KIRREL3: variants seen among roughly 807,000 people sequenced by gnomAD.
The protein encoded by KIRREL3 is kin of IRRE-like protein 3.
A neutral mutation model predicts 89.7 loss-of-function variants in KIRREL3; 36 were observed. The observed-to-expected ratio is 0.40, with a 90% CI of 0.31 to 0.53. The LOEUF is 0.53. KIRREL3 is among the 20% of genes least tolerant of loss of function. The probability of loss-of-function intolerance (pLI) is 0.49; values close to 1 mark genes in which losing one functional copy is unlikely to be tolerated. For missense variants in KIRREL3, 864 were observed against 1,056.6 expected, an observed-to-expected ratio of 0.82 and a Z score of 2.53; for synonymous variants, 445 against 441.4, an observed-to-expected ratio of 1.01 and a Z score of -0.10.
At chr11:126,572,576 C>A (rs941953207) in intron 1 of KIRREL3, among the ~76,000 whole-genome samples, 2 of 140,260 alleles carry the variant, frequency 1.4e-5, no homozygotes, top group South Asian at 2.2e-4. Context: ...GAGGGGACCC[C>A]CCCCCCGCCA....
intron 1 of KIRREL3, among the ~76,000 whole-genome samples, chr11:126,675,178 G>A (rs1351790703): frequency 6.6e-6 from 1 of 152,188 alleles, no homozygotes; most frequent in Non-Finnish European, 1.5e-5. Flanking sequence ...TCCTGGCATT[G>A]GAGCCTTTAC....
rs1404994248 is a variant in KIRREL3 at position 126,640,567 on chromosome 11, C to T, written c.56-77655G>A. Among the ~76,000 whole-genome samples the T allele has an allele frequency of 6.6e-6, 1 of 151,972 alleles. No homozygotes were observed. Among genetic ancestry groups the T allele is most frequent in the Non-Finnish European group, 1.5e-5 (1 of 68,002 alleles). On this transcript the variant is annotated intron_variant, in intron 1 of 16. Transcript: ENST00000525144. The surrounding 1 kb of genome is among the most constrained non-coding windows in gnomAD (Gnocchi z 4.9). ...GGCTGCTTGTACCTGAAATGTGTGGCGAAGAGGGTCCAGCAGTCAGATTAA... is the reference window on the plus strand; with the variant it reads ...GGCTGCTTGTACCTGAAATGTGTGGTGAAGAGGGTCCAGCAGTCAGATTAA...
chr11:126,442,186 G>GGT (rs1955591843), intron 10 of KIRREL3, among the ~76,000 whole-genome samples: 1 of 149,656 alleles, frequency 6.7e-6, no homozygotes, highest in Non-Finnish European at 1.5e-5. Context: ...GCTTGAACCT[G>GGT]GGAGGTGGAG....
chr11:126,819,979 G>A (rs1943150518), intron 1 of KIRREL3, among the ~76,000 whole-genome samples: 1 of 152,174 alleles, frequency 6.6e-6, no homozygotes, highest in Admixed American at 6.5e-5. Flanking sequence ...TTAATGAACA[G>A]CTCATTAAGA....
chr11:126,490,597 A>G lies in KIRREL3; in HGVS notation c.434-17131T>C, dbSNP rs574040500. 1.3e-5 allele frequency among the ~76,000 whole-genome samples: 2 copies of G among 152,262 alleles called. No individual in the cohort carries two copies. Among genetic ancestry groups the G allele is most frequent in the Admixed American group, 1.3e-4 (2 of 15,296 alleles). On this transcript the variant is annotated intron_variant, in intron 4 of 16. Coordinates refer to ENST00000525144, the MANE Select transcript of KIRREL3 (RefSeq NM_032531.4). This position sits in a 1 kb window ranked among gnomAD's most constrained non-coding sequence, Gnocchi z 4.2. ...CCGGTTCCAGGCTGCATGGCCTTGG[A>G]TACGTTAATTAGTTATTTGAGCCTG...
chr11:127,003,285 G>A (rs1234315797), upstream of KIRREL3: 1 of 152,294 alleles, frequency 6.6e-6, no homozygotes, highest in African/African-American at 2.4e-5. Context: ...TCGGGCTCTG[G>A]CGCCAGCCTC....
intron 1 of KIRREL3, among the ~76,000 whole-genome samples, chr11:126,749,329 A>G (rs941367882): frequency 6.6e-6 from 1 of 152,176 alleles, no homozygotes; most frequent in African/African-American, 2.4e-5. Context: ...AATCCCTAGA[A>G]CATTTGTTGG....
intron 1 of KIRREL3, among the ~76,000 whole-genome samples, chr11:126,974,331 G>T (rs1031108764): frequency 6.6e-6 from 1 of 152,098 alleles, no homozygotes; most frequent in African/African-American, 2.4e-5. Flanking sequence ...ACGGAGATAC[G>T]TTCTGAGAAA....
Position 126,666,627 on chromosome 11 carries a change from G to C in KIRREL3, c.56-103715C>G, listed in dbSNP as rs982224459. ...CAATGATTTGTGCTGCCTGCTTGTC[G>C]AGTCTGTTTACCAACTTGGCTTATT... On this transcript the variant is annotated intron_variant, in intron 1 of 16. Coordinates refer to ENST00000525144, the MANE Select transcript of KIRREL3 (RefSeq NM_032531.4). This position sits in a 1 kb window ranked among gnomAD's most constrained non-coding sequence, Gnocchi z 4.2. Among the ~76,000 whole-genome samples, 1 of 152,156 alleles carries C rather than the reference G, an allele frequency of 6.6e-6. No individual in the cohort carries two copies. Among genetic ancestry groups the C allele is most frequent in the South Asian group, 2.1e-4 (1 of 4,830 alleles).
intron 1 of KIRREL3, among the ~76,000 whole-genome samples, chr11:126,743,745 T>C (rs966382620): frequency 6.6e-6 from 1 of 152,198 alleles, no homozygotes; most frequent in African/African-American, 2.4e-5. Context: ...CTTCATAGGA[T>C]GGTTGATTAT....
At position 126,428,310 on chromosome 11, in the gene KIRREL3, T is replaced by C. The variant is rs1955011874; in HGVS notation, c.1806+869A>G. 6.6e-6 allele frequency among the ~76,000 whole-genome samples: 1 copy of C among 152,018 alleles called. No homozygotes were observed. The highest frequency in any genetic ancestry group is 2.1e-4 in the South Asian group (1 of 4,800). ...TACGACCGAGGCAACCAGAAACTTC[T>C]AGCATGGTTGTCCAGGTTTCTGCTT... On this transcript the variant is annotated intron_variant, in intron 15 of 16. Transcript: ENST00000525144. The surrounding 1 kb of genome is among the most constrained non-coding windows in gnomAD (Gnocchi z 6.4).
chr11:126,501,752 C>T lies in KIRREL3; in HGVS notation c.433+19563G>A, dbSNP rs571632932. On this transcript the variant is annotated intron_variant, in intron 4 of 16. Transcript: ENST00000525144. This position sits in a 1 kb window ranked among gnomAD's most constrained non-coding sequence, Gnocchi z 5.8. ...TCGCCTGGCCCTGGGCACTGCTTGC[C>T]TCTGCCTGCCTTTGCCTCCTTTTCC... is the stretch of plus-strand genomic sequence containing the variant. Among the ~76,000 whole-genome samples, 2 of 152,338 alleles carry T rather than the reference C, an allele frequency of 1.3e-5. No homozygotes were observed. Among genetic ancestry groups the T allele is most frequent in the African/African-American group, 4.8e-5 (2 of 41,576 alleles).
rs1215273797 is a variant in KIRREL3 at position 126,754,289 on chromosome 11, A to G, written c.56-191377T>C. 1.3e-5 allele frequency among the ~76,000 whole-genome samples: 2 copies of G among 152,198 alleles called. No homozygotes were observed. The highest frequency in any genetic ancestry group is 3.9e-4 in the East Asian group (2 of 5,194). On this transcript the variant is annotated intron_variant, in intron 1 of 16. Coordinates refer to ENST00000525144, the MANE Select transcript of KIRREL3 (RefSeq NM_032531.4). This position sits in a 1 kb window ranked among gnomAD's most constrained non-coding sequence, Gnocchi z 5.1. ...TGCATTAGCTTTGAGAAGACTTTTA[A>G]TAGAAAGTGAGATTAAAAGAAAACT... is the stretch of plus-strand genomic sequence containing the variant.
At position 126,923,101 on chromosome 11, in the gene KIRREL3, T is replaced by TCTCCTTCTCCTTCTCCTTCTC. The variant is rs1491353572; in HGVS notation, c.55+77333_55+77353dup. Among the ~76,000 whole-genome samples, 16 of 66,304 alleles carry TCTCCTTCTCCTTCTCCTTCTC rather than the reference T, an allele frequency of 2.4e-4. 3 individuals carry two copies. The highest frequency in any genetic ancestry group is 9.8e-4 in the South Asian group (2 of 2,040). The allele number at this position is 66,304 out of a possible 152,430, so 43.5% of individuals were successfully genotyped here. ...GCCTTGTGGATCTTCTTCTTCTTCTTCTCCTTCTCCTTCTCCTTCTCCTTC... is the reference window on the plus strand; with the variant it reads ...GCCTTGTGGATCTTCTTCTTCTTCTTCTCCTTCTCCTTCTCCTTCTCCTCCTTCTCCTTCTCCTTCTCCTTC... On this transcript the variant is annotated intron_variant, in intron 1 of 16. Coordinates refer to ENST00000525144, the MANE Select transcript of KIRREL3 (RefSeq NM_032531.4).
Position 126,484,638 on chromosome 11 carries a change from G to A in KIRREL3, c.434-11172C>T, listed in dbSNP as rs942649529. ...AATTAAAAAATGGTAGTGTAAGTAT[G>A]TTTATCTGAAATTCACATTTAACAG... is the stretch of plus-strand genomic sequence containing the variant. On this transcript the variant is annotated intron_variant, in intron 4 of 16. Coordinates refer to ENST00000525144, the MANE Select transcript of KIRREL3 (RefSeq NM_032531.4). This position sits in a 1 kb window ranked among gnomAD's most constrained non-coding sequence, Gnocchi z 5.2. 1.3e-5 allele frequency among the ~76,000 whole-genome samples: 2 copies of A among 152,172 alleles called. No individual in the cohort carries two copies. The highest frequency in any genetic ancestry group is 4.8e-5 in the African/African-American group (2 of 41,426).
rs1944975765 is a variant in KIRREL3 at position 126,867,903 on chromosome 11, A to G, written c.55+132552T>C. Among the ~76,000 whole-genome samples, 1 of 152,078 alleles carries G rather than the reference A, an allele frequency of 6.6e-6. No individual in the cohort carries two copies. The highest frequency in any genetic ancestry group is 1.5e-5 in the Non-Finnish European group (1 of 68,020). On this transcript the variant is annotated intron_variant, in intron 1 of 16. Transcript: ENST00000525144. This position sits in a 1 kb window ranked among gnomAD's most constrained non-coding sequence, Gnocchi z 4.7. The stretch of plus-strand genomic sequence containing the variant: ...TGCCATGCATGTCTTATATATCTGT[A>G]TCCCCTACAGCACCTAACCTCAGAG...
chr11:126,462,965 A>T lies in KIRREL3; in HGVS notation c.742+192T>A, dbSNP rs974028207. Among the ~76,000 whole-genome samples the T allele has an allele frequency of 6.6e-6, 1 of 152,160 alleles. No individual in the cohort carries two copies. Among genetic ancestry groups the T allele is most frequent in the African/African-American group, 2.4e-5 (1 of 41,438 alleles). On this transcript the variant is annotated intron_variant, in intron 6 of 16. Coordinates refer to ENST00000525144, the MANE Select transcript of KIRREL3 (RefSeq NM_032531.4). The surrounding 1 kb of genome is among the most constrained non-coding windows in gnomAD (Gnocchi z 4.8). ...AAGATGTCCTTTGCGAAAGACCCTC[A>T]TCTGTGAGGTTGCATCTCATGACAG...
Position 126,577,189 on chromosome 11 carries a change from T to G in KIRREL3, c.56-14277A>C, listed in dbSNP as rs558809875. On this transcript the variant is annotated intron_variant, in intron 1 of 16. Coordinates refer to ENST00000525144, the MANE Select transcript of KIRREL3 (RefSeq NM_032531.4). ...CGGTGTGTGGCACATGGATTAAGTA[T>G]GCAGTTTGGTGGTCTTTAAAGGATG... Among the ~76,000 whole-genome samples the G allele has an allele frequency of 5.9e-5, 9 of 152,310 alleles. No homozygotes were observed. In the South Asian group the frequency reaches 1.9e-3, roughly 32 times the overall value.
chr11:126,988,814 C>A (rs1416278697), intron 1 of KIRREL3, among the ~76,000 whole-genome samples: 2 of 152,220 alleles, frequency 1.3e-5, no homozygotes, highest in Non-Finnish European at 2.9e-5. Context: ...GCCTCAGTAC[C>A]ATCTCCCCGT....
Sources: gnomAD v4.1 joint callset for allele counts (sites outside exome capture counted in the v4.1 genomes callset) on GRCh38, gnomAD v4.1.1 for gene constraint, Gnocchi (gnomAD v3.1) non-coding constraint, MANE v1.5 for transcripts, NCBI Gene and HGNC (gene_info 2026-07-23, HGNC 2026-07-21) for gene names.